KLHL29: variants seen among roughly 807,000 people sequenced by gnomAD.
KLHL29 encodes kelch like family member 29.
A neutral mutation model predicts 80.4 loss-of-function variants in KLHL29; 21 were observed. The ratio of observed to expected loss-of-function variants is 0.26; its 90% CI spans 0.19 to 0.38. The LOEUF is 0.38. Among genes scored for constraint, KLHL29 ranks in the 10% least tolerant of loss-of-function variants. KLHL29 has a pLI of 1.00. For missense variants in KLHL29, 867 were observed against 1,223.9 expected, an observed-to-expected ratio of 0.71 and a Z score of 4.35; for synonymous variants, 511 against 526.8, an observed-to-expected ratio of 0.97 and a Z score of 0.41.
intron 1 of KLHL29, among the ~76,000 whole-genome samples, chr2:23,428,136 C>A (rs1279080356): frequency 1.3e-5 from 2 of 152,230 alleles, no homozygotes; most frequent in Non-Finnish European, 2.9e-5. Context: ...GCCGCATGGC[C>A]TCATCCACGA....
In KLHL29 at chr2:23,680,664, T is replaced by TGGGGTCTCTAGGCCATCTTCC. The variant is rs1671058919; in HGVS notation, c.941-3735_941-3734insGGGGTCTCTAGGCCATCTTCC. On this transcript the variant is annotated intron_variant, in intron 5 of 13. Transcript: ENST00000486442. This position sits in a 1 kb window ranked among gnomAD's most constrained non-coding sequence, Gnocchi z 4.1. ...CTCCTGGGGTCTCTAGGCCATCTTC[T>TGGGGTCTCTAGGCCATCTTCC]CCTGGGCTCTCTAGGCCATCTTCCC... 4.0e-5 allele frequency among the ~76,000 whole-genome samples: 6 copies of TGGGGTCTCTAGGCCATCTTCC among 148,392 alleles called. No homozygotes were observed. Among genetic ancestry groups the TGGGGTCTCTAGGCCATCTTCC allele is most frequent in the African/African-American group, 1.5e-4 (6 of 40,482 alleles).
chr2:23,578,165 A>G (rs1667889937), intron 3 of KLHL29, among the ~76,000 whole-genome samples: 1 of 152,206 alleles, frequency 6.6e-6, no homozygotes, highest in South Asian at 2.1e-4. Flanking sequence ...AGTCAGGGCC[A>G]AGAGGTTTCT....
chr2:23,477,991 A>G (rs895607093), intron 2 of KLHL29, among the ~76,000 whole-genome samples: 1 of 152,096 alleles, frequency 6.6e-6, no homozygotes, highest in Non-Finnish European at 1.5e-5. Context: ...TCTGGCAATC[A>G]TGTACTTTAG....
At chr2:23,513,203 G>A (rs56062405) in intron 2 of KLHL29, among the ~76,000 whole-genome samples, 14 of 152,358 alleles carry the variant, frequency 9.2e-5, no homozygotes, top group African/African-American at 3.4e-4. Flanking sequence ...AAGGGTCAGA[G>A]AGACAGAACT....
At chr2:23,397,872 C>G (rs1666490955) in intron 1 of KLHL29, among the ~76,000 whole-genome samples, 1 of 152,246 alleles carries the variant, frequency 6.6e-6, no homozygotes, top group Admixed American at 6.5e-5. Context: ...CTCCACATCA[C>G]TAATCATTGG....
chr2:23,527,396 G>A (rs1666360389), intron 2 of KLHL29, among the ~76,000 whole-genome samples: 1 of 152,206 alleles, frequency 6.6e-6, no homozygotes, highest in Admixed American at 6.5e-5. Flanking sequence ...CGTGGGTGTT[G>A]CCCAGCAAAA....
rs573717329 is a variant in KLHL29, at chr2:23,682,334, T to A, written c.941-2065T>A. 6.6e-6 allele frequency among the ~76,000 whole-genome samples: 1 copy of A among 152,248 alleles called. No individual in the cohort carries two copies. The highest frequency in any genetic ancestry group is 1.9e-4 in the East Asian group (1 of 5,172). ...AGTGTGGACCCTGAGGCTCTGAGGA[T>A]GTGGGTCCCCTTTCCCAAGGTCACA... On this transcript the variant is annotated intron_variant, in intron 5 of 13. Coordinates refer to ENST00000486442, the MANE Select transcript of KLHL29 (RefSeq NM_052920.2). The surrounding 1 kb of genome is among the most constrained non-coding windows in gnomAD (Gnocchi z 4.1).
chr2:23,680,938 T>C lies in KLHL29; in HGVS notation c.941-3461T>C, dbSNP rs1008257046. Among the ~76,000 whole-genome samples the C allele has an allele frequency of 8.5e-5, 13 of 152,170 alleles. No homozygotes were observed. The highest frequency in any genetic ancestry group is 5.9e-5 in the Non-Finnish European group (4 of 68,030). ...CCTGCAAATCTCCCACACCTGAGAA[T>C]AGGCCATGTTGTTGGAAGATCTCCC... On this transcript the variant is annotated intron_variant, in intron 5 of 13. Coordinates refer to ENST00000486442, the MANE Select transcript of KLHL29 (RefSeq NM_052920.2). The surrounding 1 kb of genome is among the most constrained non-coding windows in gnomAD (Gnocchi z 4.1).
At chr2:23,535,514 G>T (rs1440355131) in intron 2 of KLHL29, among the ~76,000 whole-genome samples, 1 of 152,192 alleles carries the variant, frequency 6.6e-6, no homozygotes, top group African/African-American at 2.4e-5. Flanking sequence ...ATTAATTAAT[G>T]AATGGATACA....
chr2:23,691,904 T>A, intron 7 of KLHL29, 28 bp downstream of exon 7: 1 of 1,542,982 alleles, frequency 6.5e-7, no homozygotes, highest in Non-Finnish European at 8.7e-7. Context: ...ATATGTCGCT[T>A]GGGGGGAAGA....
chr2:23,667,216 G>A (rs1231851875), intron 5 of KLHL29: 1 of 152,262 alleles, frequency 6.6e-6, no homozygotes, highest in Non-Finnish European at 1.5e-5. Context: ...ATGTATGGAA[G>A]TGTGTATTTA....
intron 2 of KLHL29, chr2:23,532,447 C>G (rs1227815924): frequency 4.9e-6 from 2 of 409,182 alleles, no homozygotes; most frequent in East Asian, 7.1e-5. Flanking sequence ...CCCACGCACC[C>G]TCTGCACCCA....
chr2:23,476,342 ATTAT>A (rs1174438592), intron 2 of KLHL29, among the ~76,000 whole-genome samples: 15 of 152,156 alleles, frequency 9.9e-5, no homozygotes, highest in Admixed American at 9.8e-4. Flanking sequence ...TCATGAAAAT[ATTAT>A]TTATTCATTA....
At chr2:23,547,963 AAG>A (rs1433715643) in intron 2 of KLHL29, among the ~76,000 whole-genome samples, 1 of 152,126 alleles carries the variant, frequency 6.6e-6, no homozygotes, top group Admixed American at 6.6e-5. Context: ...CCACTGGGAA[AAG>A]AGAGTGGTCT....
intron 3 of KLHL29, among the ~76,000 whole-genome samples, chr2:23,568,682 A>G (rs1667646229): frequency 6.6e-6 from 1 of 152,210 alleles, no homozygotes; most frequent in South Asian, 2.1e-4. Context: ...GGAGTGGGCA[A>G]AGAGACCCCA....
chr2:23,628,559 G>A (rs1430646515), intron 3 of KLHL29, among the ~76,000 whole-genome samples: 1 of 152,206 alleles, frequency 6.6e-6, no homozygotes, highest in East Asian at 1.9e-4. Flanking sequence ...GGCCAAGGTA[G>A]GAGGATCGCT....
chr2:23,623,090 G>A (rs1390733569), intron 3 of KLHL29, among the ~76,000 whole-genome samples: 1 of 152,204 alleles, frequency 6.6e-6, no homozygotes, highest in Non-Finnish European at 1.5e-5. Context: ...CTGGTCACAG[G>A]TGGACCCAGC....
intron 3 of KLHL29, among the ~76,000 whole-genome samples, chr2:23,624,391 C>T (rs969318296): frequency 6.6e-6 from 1 of 152,152 alleles, no homozygotes. Flanking sequence ...TCTCTGCCAC[C>T]CCCCTTCCCA....
intron 3 of KLHL29, among the ~76,000 whole-genome samples, chr2:23,595,585 G>T (rs1668375097): frequency 6.6e-6 from 1 of 152,230 alleles, no homozygotes; most frequent in Admixed American, 6.5e-5. Flanking sequence ...GAAGGAGTGG[G>T]CAGGAAGGGT....
Sources: gnomAD v4.1 joint callset for allele counts (sites outside exome capture counted in the v4.1 genomes callset) on GRCh38, gnomAD v4.1.1 for gene constraint, Gnocchi (gnomAD v3.1) non-coding constraint, MANE v1.5 for transcripts, NCBI Gene and HGNC (gene_info 2026-07-23, HGNC 2026-07-21) for gene names.